Variants in ASAP2 observed in about 807,000 individuals in gnomAD.
ASAP2 encodes the protein ArfGAP with SH3 domain, ankyrin repeat and PH domain 2.
ASAP2 carries 45 observed loss-of-function variants against 131.4 expected under a neutral mutation model. The ratio of observed to expected loss-of-function variants is 0.34; its 90% CI spans 0.27 to 0.44. ASAP2 has a LOEUF of 0.44. ASAP2 is among the 20% of genes least tolerant of loss of function. The pLI, the probability that ASAP2 is intolerant of heterozygous loss-of-function variation, is 1.00. For missense variants in ASAP2, 1,011 were observed against 1,297.0 expected, an observed-to-expected ratio of 0.78 and a Z score of 3.39; for synonymous variants, 510 against 503.0, an observed-to-expected ratio of 1.01 and a Z score of -0.19.
chr2:9,373,537 C>G (rs1283458216), intron 16 of ASAP2, among the ~76,000 whole-genome samples: 1 of 152,232 alleles, frequency 6.6e-6, no homozygotes, highest in Non-Finnish European at 1.5e-5. Context: ...CCTCCAGTGG[C>G]ATGTCCAGGG....
At chr2:9,378,506 C>T (rs949434921) in intron 18 of ASAP2, among the ~76,000 whole-genome samples, 2 of 152,218 alleles carry the variant, frequency 1.3e-5, no homozygotes, top group South Asian at 2.1e-4. Context: ...GCTCAGCCTC[C>T]GTCCTCCCGT....
intron 2 of ASAP2, among the ~76,000 whole-genome samples, chr2:9,290,657 C>A (rs1667754933): frequency 6.6e-6 from 1 of 152,182 alleles, no homozygotes; most frequent in East Asian, 1.9e-4. Flanking sequence ...TTGGAAAGTT[C>A]AGAAAAGCAC....
intron 11 of ASAP2, among the ~76,000 whole-genome samples, chr2:9,346,156 A>G (rs929335188): frequency 1.3e-5 from 2 of 152,136 alleles, no homozygotes; most frequent in African/African-American, 4.8e-5. Context: ...GGGCAGGTGC[A>G]GTGGCTCAAG....
chr2:9,214,913 G>A (rs536611700), intron 1 of ASAP2, among the ~76,000 whole-genome samples: 6 of 152,204 alleles, frequency 3.9e-5, no homozygotes, highest in African/African-American at 1.2e-4. Flanking sequence ...ACACTCTGGC[G>A]AAGGTGATCT....
In ASAP2 at chr2:9,217,994, T is replaced by G. The variant is rs967708562; in HGVS notation, c.126+10764T>G. ...TGAGCTTTAATTCTGTATTAAGGACTGTGCTGTGTTTTAAATTGATGATTT... is the reference window on the plus strand; with the variant it reads ...TGAGCTTTAATTCTGTATTAAGGACGGTGCTGTGTTTTAAATTGATGATTT... On this transcript the variant is annotated intron_variant, in intron 1 of 27. Transcript: ENST00000281419. The surrounding 1 kb of genome is among the most constrained non-coding windows in gnomAD (Gnocchi z 4.0). 6.6e-6 allele frequency among the ~76,000 whole-genome samples: 1 copy of G among 152,094 alleles called. No individual in the cohort carries two copies. Among genetic ancestry groups the G allele is most frequent in the African/African-American group, 2.4e-5 (1 of 41,408 alleles).
At chr2:9,373,266 G>A (rs2148709782) in intron 16 of ASAP2, among the ~76,000 whole-genome samples, 1 of 152,304 alleles carries the variant, frequency 6.6e-6, no homozygotes, top group South Asian at 2.1e-4. Context: ...GTCCTTCCTG[G>A]GCTGTGAAGC....
At chr2:9,340,449 A>T (rs568283214) in intron 9 of ASAP2, among the ~76,000 whole-genome samples, 72 of 152,366 alleles carry the variant, frequency 4.7e-4, no homozygotes, top group Non-Finnish European at 5.3e-4. Flanking sequence ...GGAGTCTTTT[A>T]AAAATTACCC....
intron 15 of ASAP2, among the ~76,000 whole-genome samples, chr2:9,363,615 G>A (rs1673251016): frequency 6.6e-6 from 1 of 152,010 alleles, no homozygotes; most frequent in Non-Finnish European, 1.5e-5. Context: ...ACAGGTTCTT[G>A]CTCTGTCGCC....
At chr2:9,371,935 T>G (rs1294232019) in intron 16 of ASAP2, among the ~76,000 whole-genome samples, 1 of 151,868 alleles carries the variant, frequency 6.6e-6, no homozygotes, top group Non-Finnish European at 1.5e-5. Flanking sequence ...GCTAACACGG[T>G]GAAACCCCAT....
At chr2:9,272,048 G>A (rs1389972521) in intron 1 of ASAP2, among the ~76,000 whole-genome samples, 3 of 152,088 alleles carry the variant, frequency 2.0e-5, no homozygotes, top group Non-Finnish European at 4.4e-5. Flanking sequence ...TTAGTATACT[G>A]ATTTCCTTTC....
intron 17 of ASAP2, among the ~76,000 whole-genome samples, chr2:9,375,836 C>T (rs1347436819): frequency 2.6e-5 from 4 of 152,196 alleles, no homozygotes; most frequent in East Asian, 1.9e-4. Context: ...CTGAGAGGGG[C>T]GGTTCCCTGG....
At chr2:9,399,287 T>C (rs1676429651) in intron 24 of ASAP2, 1 of 152,406 alleles carries the variant, frequency 6.6e-6, no homozygotes, top group Non-Finnish European at 1.5e-5. Flanking sequence ...GTCCTGTGCC[T>C]GGCTTTATGC....
intron 1 of ASAP2, among the ~76,000 whole-genome samples, chr2:9,269,605 C>G (rs906298338): frequency 2.0e-5 from 3 of 152,180 alleles, no homozygotes; most frequent in Admixed American, 6.5e-5. Flanking sequence ...CCGGGTGACC[C>G]CAGAGGTGGT....
chr2:9,260,517 G>T (rs1665504417), intron 1 of ASAP2, among the ~76,000 whole-genome samples: 1 of 152,202 alleles, frequency 6.6e-6, no homozygotes, highest in Non-Finnish European at 1.5e-5. Flanking sequence ...CTGGAGAGGG[G>T]CACGGGGCTG....
Position 9,355,282 on chromosome 2 carries a change from A to G in ASAP2, c.1112-765A>G, listed in dbSNP as rs113412498. Among the ~76,000 whole-genome samples, 295 of 152,290 alleles carry G rather than the reference A, an allele frequency of 1.9e-3. 1 individual carries two copies. Among genetic ancestry groups the G allele is most frequent in the African/African-American group, 6.6e-3 (275 of 41,562 alleles). On this transcript the variant is annotated intron_variant, in intron 12 of 27. Coordinates refer to ENST00000281419, the MANE Select transcript of ASAP2 (RefSeq NM_003887.3). The stretch of plus-strand genomic sequence containing the variant: ...TTTATCCTGGTCTCTTGCAGTCTGT[A>G]TCGGTTCTGTAGTCTCACTTGTTTT...
intron 11 of ASAP2, among the ~76,000 whole-genome samples, chr2:9,347,230 C>T (rs1219959411): frequency 6.6e-6 from 1 of 152,172 alleles, no homozygotes; most frequent in Non-Finnish European, 1.5e-5. Flanking sequence ...TTCCCTATTT[C>T]CCTGCGTGCT....
chr2:9,238,151 C>T (rs1663684302), intron 1 of ASAP2, among the ~76,000 whole-genome samples: 13 of 152,220 alleles, frequency 8.5e-5, no homozygotes, highest in Admixed American at 8.5e-4. Context: ...ACCTACTGAT[C>T]TTCACACGGA....
intron 9 of ASAP2, among the ~76,000 whole-genome samples, chr2:9,336,393 G>A (rs1422857037): frequency 6.6e-6 from 1 of 150,648 alleles, no homozygotes; most frequent in East Asian, 2.0e-4. Context: ...CCAGCCCACA[G>A]TGATCTGAGT....
chr2:9,267,549 T>C (rs1182662972), intron 1 of ASAP2, among the ~76,000 whole-genome samples: 1 of 152,148 alleles, frequency 6.6e-6, no homozygotes, highest in Non-Finnish European at 1.5e-5. Flanking sequence ...CCACTGTTGA[T>C]GGGTACCTGG....
Sources: gnomAD v4.1 joint callset for allele counts (sites outside exome capture counted in the v4.1 genomes callset) on GRCh38, gnomAD v4.1.1 for gene constraint, Gnocchi (gnomAD v3.1) non-coding constraint, MANE v1.5 for transcripts, NCBI Gene and HGNC (gene_info 2026-07-23, HGNC 2026-07-21) for gene names.